SRGAP1: variants seen among roughly 807,000 people sequenced by gnomAD.
SRGAP1 encodes SLIT-ROBO Rho GTPase-activating protein 1.
A neutral mutation model predicts 121.9 loss-of-function variants in SRGAP1; 43 were observed. That is an observed-to-expected ratio of 0.35 (90% CI 0.28 to 0.46). SRGAP1 has a LOEUF of 0.46. Ranked by LOEUF, SRGAP1 falls within the 20% of genes least tolerant of loss-of-function variation. The pLI is 1.00. For synonymous variants in SRGAP1, 447 were observed against 485.4 expected (o/e 0.92, Z 1.04); for missense variants, 1,102 against 1,350.9 (o/e 0.82, Z 2.89).
intron 3 of SRGAP1, among the ~76,000 whole-genome samples, chr12:64,002,236 A>G (rs2033922561): frequency 6.6e-6 from 1 of 152,202 alleles, no homozygotes; most frequent in Non-Finnish European, 1.5e-5. Context: ...TGCCCCAGTC[A>G]CCAGACAATC....
At chr12:64,056,050 T>A (rs1156759735) in intron 6 of SRGAP1, among the ~76,000 whole-genome samples, 3 of 142,916 alleles carry the variant, frequency 2.1e-5, no homozygotes, top group Admixed American at 6.9e-5. Flanking sequence ...GTCATCATCC[T>A]CCACACACAT....
chr12:64,136,854 A>C (rs2036864166), intron 21 of SRGAP1, among the ~76,000 whole-genome samples: 1 of 152,250 alleles, frequency 6.6e-6, no homozygotes. Flanking sequence ...TATAATAAGC[A>C]GGTGAAACAT....
chr12:63,949,320 T>A (rs17099952), intron 1 of SRGAP1, among the ~76,000 whole-genome samples: 1 of 142,004 alleles, frequency 7.0e-6, no homozygotes, highest in South Asian at 2.2e-4. Context: ...GATAGCTGCT[T>A]AGTCACAACT....
intron 4 of SRGAP1, among the ~76,000 whole-genome samples, chr12:64,036,371 G>A (rs79480879): frequency 0.022 from 3,323 of 152,208 alleles, 131 homozygotes; most frequent in African/African-American, 0.075. Context: ...TTACCCCAGT[G>A]GTTTGGTTAG....
At chr12:64,116,440 T>C (rs1269648110) in intron 18 of SRGAP1, among the ~76,000 whole-genome samples, 1 of 152,030 alleles carries the variant, frequency 6.6e-6, no homozygotes, top group Non-Finnish European at 1.5e-5. Flanking sequence ...AACCACTATG[T>C]TTGTGTTTTT....
chr12:63,962,391 G>C (rs4604983), intron 1 of SRGAP1, among the ~76,000 whole-genome samples: 105,094 of 151,998 alleles, frequency 0.69, 36,549 homozygotes, highest in Middle Eastern at 0.82. Flanking sequence ...TTGACCAATG[G>C]TTTGGTGATT....
At position 64,087,019 on chromosome 12, in the gene SRGAP1, A is replaced by C; in HGVS notation, c.1429A>C (p.Thr477Pro). 1.9e-6 allele frequency: 3 copies of C among 1,591,464 alleles called. No individual in the cohort carries two copies. The highest frequency in any genetic ancestry group is 1.7e-6 in the Non-Finnish European group (2 of 1,167,000). Residue 477 changes from threonine to proline, a missense_variant, in exon 11 of 22, where the codon ACT (threonine) becomes CCT (proline). By Grantham distance (38) the Thr-to-Pro change is conservative (BLOSUM62 -1). Coordinates refer to ENST00000355086, the MANE Select transcript of SRGAP1 (RefSeq NM_020762.4). The stretch of plus-strand genomic sequence containing the variant: ...TGCAGGTCATAGAGCTGAATATATG[A>C]CTACAAGGTAGGAAAATATTTTATC... ...LGEGHRAEYM[T>P]TRPPNVPPKP...
intron 8 of SRGAP1, among the ~76,000 whole-genome samples, chr12:64,078,526 A>G (rs1444482758): frequency 2.4e-4 from 36 of 152,186 alleles, no homozygotes; most frequent in Admixed American, 2.4e-3. Flanking sequence ...CTCATAATAT[A>G]CTTTTTCTTG....
intron 1 of SRGAP1, among the ~76,000 whole-genome samples, chr12:63,930,525 C>A (rs1334639820): frequency 6.6e-6 from 1 of 151,958 alleles, no homozygotes; most frequent in African/African-American, 2.4e-5. Flanking sequence ...GACTCTTGGC[C>A]CTTCTATTCA....
intron 1 of SRGAP1, among the ~76,000 whole-genome samples, chr12:63,905,450 G>A (rs1034701973): frequency 5.9e-5 from 9 of 152,186 alleles, no homozygotes; most frequent in African/African-American, 2.2e-4. Flanking sequence ...AGTAAAGGAC[G>A]AGAGTATTTT....
At chr12:64,071,544 G>T (rs944492600) in intron 8 of SRGAP1, among the ~76,000 whole-genome samples, 2 of 152,140 alleles carry the variant, frequency 1.3e-5, no homozygotes, top group East Asian at 1.9e-4. Context: ...AAACAGTGAG[G>T]CATGTGCTTG....
At chr12:63,919,049 T>G (rs2030920907) in intron 1 of SRGAP1, among the ~76,000 whole-genome samples, 2 of 152,088 alleles carry the variant, frequency 1.3e-5, no homozygotes, top group South Asian at 4.1e-4. Flanking sequence ...TTTTGTGTTT[T>G]TGTTTGTTTA....
chr12:63,869,800 C>G (rs1388529516), intron 1 of SRGAP1, among the ~76,000 whole-genome samples: 1 of 152,060 alleles, frequency 6.6e-6, no homozygotes, highest in African/African-American at 2.4e-5. Context: ...TTGCATCAGC[C>G]TAGTAGATAC....
intron 1 of SRGAP1, among the ~76,000 whole-genome samples, chr12:63,979,328 G>A (rs924670952): frequency 4.7e-4 from 71 of 151,988 alleles, no homozygotes; most frequent in African/African-American, 1.5e-3. Context: ...GTGAGCCACC[G>A]CACCCAGCCT....
rs1175949388 is a variant in SRGAP1 at position 64,146,869 on chromosome 12, C to A, written c.*4197C>A. ...AAACTGGAATTTGAGCTTTCACTTA[C>A]CCTAGTATACGTTCTTAAAAAAAAA... On this transcript the variant is annotated 3_prime_UTR_variant, in exon 22 of 22. Transcript: ENST00000355086. The A allele has an allele frequency of 2.1e-5, 3 of 139,548 alleles. No individual in the cohort carries two copies. Among genetic ancestry groups the A allele is most frequent in the African/African-American group, 8.0e-5 (3 of 37,624 alleles). 8.6% of individuals were successfully genotyped at this position (139,548 alleles called of 1,614,324 possible).
At chr12:64,016,323 C>CA (rs2034400419) in intron 3 of SRGAP1, among the ~76,000 whole-genome samples, 1 of 152,038 alleles carries the variant, frequency 6.6e-6, no homozygotes, top group South Asian at 2.1e-4. Context: ...CCTGTCTCTA[C>CA]AAAAAATATA....
intron 1 of SRGAP1, among the ~76,000 whole-genome samples, chr12:63,911,958 A>G (rs1417987223): frequency 6.6e-6 from 1 of 152,218 alleles, no homozygotes; most frequent in East Asian, 1.9e-4. Flanking sequence ...CACCTGTGGT[A>G]CATCTTTAGG....
chr12:64,086,100 C>T (rs1486806831), intron 10 of SRGAP1, among the ~76,000 whole-genome samples: 2 of 152,188 alleles, frequency 1.3e-5, no homozygotes, highest in Non-Finnish European at 2.9e-5. Flanking sequence ...ATCTGAATCA[C>T]TGCATTATGA....
At chr12:64,009,835 G>A (rs1177911610) in intron 3 of SRGAP1, among the ~76,000 whole-genome samples, 2 of 152,082 alleles carry the variant, frequency 1.3e-5, no homozygotes, top group Non-Finnish European at 2.9e-5. Context: ...ATACTTAGTT[G>A]TGATTTTAGT....
Sources: allele counts gnomAD v4.1 joint callset (sites outside exome capture counted in the v4.1 genomes callset), GRCh38; gene constraint gnomAD v4.1.1; transcripts MANE v1.5; gene names NCBI Gene and HGNC (gene_info 2026-07-23, HGNC 2026-07-21).